PCDHA2: variants seen among roughly 807,000 people sequenced by gnomAD.
PCDHA2 encodes protocadherin alpha 2.
Under a neutral mutation model 66.0 loss-of-function variants are expected in PCDHA2, and 58 were observed. The ratio of observed to expected loss-of-function variants is 0.88; its 90% confidence interval spans 0.71 to 1.09. The LOEUF (loss-of-function observed/expected upper bound fraction) is 1.09, where lower values mean the gene tolerates loss of function less well. PCDHA2 is among the 50% of genes least tolerant of loss of function. The pLI, the probability that PCDHA2 is intolerant of heterozygous loss-of-function variation, is 0.00. For synonymous variants in PCDHA2, 634 were observed against 554.0 expected (o/e 1.14, Z -2.03); for missense variants, 1,267 against 1,242.3 (o/e 1.02, Z -0.30).
chr5:140,805,922 T>C (rs1554123492), intron 1 of PCDHA2, among the ~76,000 whole-genome samples: 1 of 152,162 alleles, frequency 6.6e-6, no homozygotes, highest in Non-Finnish European at 1.5e-5. Context: ...ATTTAGGAAA[T>C]ATTAGGTAAG....
intron 1 of PCDHA2, among the ~76,000 whole-genome samples, chr5:140,837,556 A>G (rs1356770218): frequency 6.6e-6 from 1 of 151,974 alleles, no homozygotes; most frequent in Non-Finnish European, 1.5e-5. Flanking sequence ...GCCAAATTAT[A>G]TAAATATATT....
chr5:140,858,218 G>A, intron 1 of PCDHA2: 1 of 1,596,494 alleles, frequency 6.3e-7, no homozygotes. Context: ...GTGCTCGGCG[G>A]CGCCCACCGA....
intron 1 of PCDHA2, chr5:140,857,097 T>A: frequency 6.3e-7 from 1 of 1,597,284 alleles, no homozygotes; most frequent in South Asian, 1.1e-5. Context: ...CCTGAGGTGA[T>A]TGTCACTTCT....
rs1761991025 is a variant in PCDHA2 at position 140,795,743 on chromosome 5, T to C, written c.779T>C (p.Leu260Ser). The change falls in exon 1 of 4, where the codon TTA becomes TCA. Residue 260 changes from leucine (L) to serine (S), a missense_variant. Leu to Ser is a moderately radical substitution (Grantham distance 145, BLOSUM62 -2). Coordinates refer to ENST00000526136, the MANE Select transcript of PCDHA2 (RefSeq NM_018905.3). The stretch of plus-strand genomic sequence containing the variant: ...TTAGAGAATACGGCAAATGGGACCT[T>C]AGTGGTTAAGTTAAACGCTTCTGAT... ...KLLENTANGT[L>S]VVKLNASDAD... 1.2e-6 allele frequency: 2 copies of C among 1,613,956 alleles called. No homozygotes were observed. Among genetic ancestry groups the C allele is most frequent in the South Asian group, 2.2e-5 (2 of 91,092 alleles).
chr5:140,835,661 C>A (rs2150241056), intron 1 of PCDHA2: 5 of 1,613,768 alleles, frequency 3.1e-6, no homozygotes, highest in Non-Finnish European at 4.2e-6. Flanking sequence ...TGGTGGTTAC[C>A]GCGCGGGACG....
intron 1 of PCDHA2, chr5:140,823,273 G>A: frequency 1.2e-6 from 2 of 1,612,518 alleles, no homozygotes; most frequent in Non-Finnish European, 1.7e-6. Context: ...GCGGGTGGGC[G>A]AGCGCCCGCT....
chr5:140,971,392 T>C (rs1399891976), intron 1 of PCDHA2, among the ~76,000 whole-genome samples: 1 of 152,154 alleles, frequency 6.6e-6, no homozygotes, highest in East Asian at 1.9e-4. Flanking sequence ...TAAAGGCAAA[T>C]TTCTGCCAGG....
chr5:140,875,556 C>A (rs781896642), intron 1 of PCDHA2: 2 of 1,614,010 alleles, frequency 1.2e-6, no homozygotes, highest in Non-Finnish European at 1.7e-6. Context: ...AGGTGGGGAG[C>A]GGCCAGCTCC....
chr5:140,872,610 T>G (rs1270918795), intron 1 of PCDHA2, among the ~76,000 whole-genome samples: 3 of 152,146 alleles, frequency 2.0e-5, no homozygotes, highest in Non-Finnish European at 4.4e-5. Flanking sequence ...AAAATAATTT[T>G]TTTTGCCTGT....
intron 1 of PCDHA2, among the ~76,000 whole-genome samples, chr5:140,894,786 C>T (rs990092948): frequency 6.6e-6 from 1 of 151,576 alleles, no homozygotes; most frequent in Non-Finnish European, 1.5e-5. Flanking sequence ...AATTATTTGT[C>T]CTCTCCTTTA....
At chr5:140,829,600 G>T (rs2150170965) in intron 1 of PCDHA2, 2 of 1,612,044 alleles carry the variant, frequency 1.2e-6, no homozygotes, top group Non-Finnish European at 8.5e-7. Flanking sequence ...GCGAGCGCGC[G>T]TTGTCGAGCT....
At chr5:140,841,297 T>A (rs2150312765) in intron 1 of PCDHA2, 1 of 1,566,194 alleles carries the variant, frequency 6.4e-7, no homozygotes, top group South Asian at 1.2e-5. Flanking sequence ...AGATAATATT[T>A]TCTGATAGGA....
At chr5:140,857,294 A>G in intron 1 of PCDHA2, 2 of 1,598,576 alleles carry the variant, frequency 1.3e-6, no homozygotes, top group Non-Finnish European at 1.7e-6. Context: ...GGACCGCGAG[A>G]GGGTGTCGGC....
intron 1 of PCDHA2, among the ~76,000 whole-genome samples, chr5:140,943,236 TCA>T (rs1454947972): frequency 5.6e-5 from 7 of 124,930 alleles, no homozygotes; most frequent in African/African-American, 1.9e-4. Flanking sequence ...CCAGCCTGGG[TCA>T]CAGAGTGAGA....
chr5:140,852,714 G>T, intron 1 of PCDHA2: 2 of 980,718 alleles, frequency 2.0e-6, no homozygotes, highest in South Asian at 9.5e-5. Flanking sequence ...CTTTGTCTTT[G>T]CACGTTTTTC....
At chr5:140,870,715 G>T (rs1554164627) in intron 1 of PCDHA2, 2 of 1,613,126 alleles carry the variant, frequency 1.2e-6, no homozygotes, top group East Asian at 2.2e-5. Flanking sequence ...GAGCGCGCGC[G>T]ATGCGGGCGT....
chr5:140,907,708 C>T (rs1477501652), intron 1 of PCDHA2, among the ~76,000 whole-genome samples: 1 of 152,142 alleles, frequency 6.6e-6, no homozygotes, highest in East Asian at 1.9e-4. Flanking sequence ...TGTTGCTGAG[C>T]CCATGTGTAA....
chr5:140,801,341 C>G (rs782016888), intron 1 of PCDHA2: 15 of 1,613,300 alleles, frequency 9.3e-6, no homozygotes, highest in Non-Finnish European at 1.2e-5. Context: ...TGGGCCGCAT[C>G]GCGCAGGACC....
chr5:140,902,284 T>C (rs2069352303), intron 1 of PCDHA2, among the ~76,000 whole-genome samples: 2 of 149,984 alleles, frequency 1.3e-5, no homozygotes, highest in South Asian at 4.3e-4. Context: ...GCAATCCTCC[T>C]GCCTCAGCCT....
Sources: gnomAD v4.1 joint callset for allele counts (sites outside exome capture counted in the v4.1 genomes callset) on GRCh38, gnomAD v4.1.1 for gene constraint, MANE v1.5 for transcripts, NCBI Gene and HGNC (gene_info 2026-07-23, HGNC 2026-07-21) for gene names.